MTA2: variants seen among roughly 807,000 people sequenced by gnomAD.
MTA2 encodes the protein metastasis associated 1 family member 2, also known as metastasis-associated protein MTA2.
Under a neutral mutation model 87.1 loss-of-function variants are expected in MTA2, and 22 were observed. The observed-to-expected ratio is 0.25, with a 90% CI of 0.18 to 0.36. The LOEUF is 0.36. MTA2 is among the 10% of genes least tolerant of loss of function. The probability of loss-of-function intolerance (pLI) is 1.00; values close to 1 mark genes in which losing one functional copy is unlikely to be tolerated. For missense variants in MTA2, 542 were observed against 853.2 expected, an observed-to-expected ratio of 0.64 and a Z score of 4.54; for synonymous variants, 314 against 310.1, an observed-to-expected ratio of 1.01 and a Z score of -0.13.
intron 1 of MTA2, 78 bp from the exon 2 acceptor site, chr11:62,600,767 G>T: frequency 1.5e-6 from 2 of 1,301,662 alleles, no homozygotes; most frequent in Non-Finnish European, 2.2e-6. Flanking sequence ...AGGAGAGAAA[G>T]TTGGCCTGAG....
At chr11:62,600,841 A>C (rs1019798051) in intron 1 of MTA2, 152 bp from the exon 2 acceptor site, 1 of 632,818 alleles carries the variant, frequency 1.6e-6, no homozygotes, top group African/African-American at 1.8e-5. Flanking sequence ...GGACAGACTA[A>C]GAGAAAATAA....
chr11:62,597,878 G>A (rs1942120725), intron 6 of MTA2, 146 bp downstream of exon 6: 2 of 987,282 alleles, frequency 2.0e-6, no homozygotes, highest in Non-Finnish European at 3.1e-6. Context: ...GTTCCTACAG[G>A]CCCATTCTGT....
intron 5 of MTA2, 73 bp downstream of exon 5, chr11:62,598,251 CATT>C: frequency 6.4e-7 from 1 of 1,568,546 alleles, no homozygotes; most frequent in Non-Finnish European, 8.8e-7. Context: ...TGTACCTCAT[CATT>C]GTGCTCCTTT....
At position 62,595,962 on chromosome 11, in the gene MTA2, A is replaced by T; in HGVS notation, c.1114+48T>A. ...TAAGCCCCTCAGATTCTTGAGCCAC[A>T]GCAGGCCTTCCACCCATCCCCACCA... On this transcript the variant is annotated intron_variant, in intron 12 of 17. Transcript: ENST00000278823. This position sits in a 1 kb window ranked among gnomAD's most constrained non-coding sequence, Gnocchi z 4.9. 1 of 1,614,086 alleles carries T rather than the reference A, an allele frequency of 6.2e-7. No homozygotes were observed. The highest frequency in any genetic ancestry group is 8.5e-7 in the Non-Finnish European group (1 of 1,179,944).
At chr11:62,596,250 C>T (rs1942096740) in intron 11 of MTA2, 29 bp downstream of exon 11, 1 of 1,612,386 alleles carries the variant, frequency 6.2e-7, no homozygotes, top group Non-Finnish European at 8.5e-7. Context: ...AAGGAAAACA[C>T]TCTGGTCTCC....
At position 62,601,864 on chromosome 11, in the gene MTA2, C is replaced by G. The variant is rs950159359; in HGVS notation, c.-414G>C. ...CGGCCGATCCGGAGAACAAGGCCCA[C>G]TGCTCGGCTCAGGTCGGAGAGCGAG... On this transcript the variant is annotated 5_prime_UTR_variant, in exon 1 of 18. Transcript: ENST00000278823. 5.2e-5 allele frequency: 26 copies of G among 495,442 alleles called. No homozygotes were observed. The highest frequency in any genetic ancestry group is 8.8e-5 in the Non-Finnish European group (25 of 283,680). 30.7% of individuals were successfully genotyped at this position (495,442 alleles called of 1,614,324 possible). A position where few individuals can be genotyped will look rare whatever the true frequency, so the allele number is the denominator to read the frequency against.
chr11:62,600,117 A>G, intron 3 of MTA2, 49 bp downstream of exon 3: 1 of 1,532,904 alleles, frequency 6.5e-7, no homozygotes, highest in Non-Finnish European at 9.0e-7. Flanking sequence ...GGACATGCCC[A>G]GGCCTCAGAT....
At position 62,594,975 on chromosome 11, in the gene MTA2, C is replaced by T. The variant is rs1942078016; in HGVS notation, c.1573+6G>A. 6.2e-7 allele frequency: 1 copy of T among 1,613,624 alleles called. No individual in the cohort carries two copies. Among genetic ancestry groups the T allele is most frequent in the Non-Finnish European group, 8.5e-7 (1 of 1,179,754 alleles). Reference sequence around the variant, plus strand: ...GATGCCAACCTCACTGGTCCCCATCCCATACCCAGATCTTTGACGATAGTT... The same window carrying T: ...GATGCCAACCTCACTGGTCCCCATCTCATACCCAGATCTTTGACGATAGTT... On this transcript the variant is annotated splice_donor_region_variant and intron_variant, in intron 15 of 17. Transcript: ENST00000278823.
intron 11 of MTA2, 58 bp downstream of exon 11, chr11:62,596,221 G>T: frequency 6.2e-7 from 1 of 1,600,436 alleles, no homozygotes; most frequent in Non-Finnish European, 8.6e-7. Context: ...ACTGAGGAAG[G>T]CACAAGTTAG....
chr11:62,594,052 G>A lies in MTA2; in HGVS notation c.1842-12C>T, dbSNP rs1942062530. 6.3e-7 allele frequency: 1 copy of A among 1,579,682 alleles called. No individual in the cohort carries two copies. Among genetic ancestry groups the A allele is most frequent in the Non-Finnish European group, 8.6e-7 (1 of 1,164,594 alleles). On this transcript the variant is annotated splice_polypyrimidine_tract_variant and intron_variant, in intron 17 of 17. Transcript: ENST00000278823. The stretch of plus-strand genomic sequence containing the variant: ...CCTTCCGTAGGGCCCTGGCCAGAAA[G>A]AGCAAGTGGGAAACAGAAAAGGCTT...
intron 3 of MTA2, chr11:62,599,113 T>C (rs1942140550): frequency 6.2e-6 from 1 of 160,878 alleles, no homozygotes; most frequent in African/African-American, 2.4e-5. Context: ...ACTTGGCTAA[T>C]AATAGTTCCT....
At chr11:62,597,139 A>C (rs1168228955) in intron 8 of MTA2, among the ~76,000 whole-genome samples, 177 bp downstream of exon 8, 1 of 151,504 alleles carries the variant, frequency 6.6e-6, no homozygotes, top group Non-Finnish European at 1.5e-5. Context: ...CAGTGAGCTG[A>C]GATTGCGCCA....
intron 3 of MTA2, among the ~76,000 whole-genome samples, chr11:62,599,507 T>A (rs1367571951): frequency 6.6e-6 from 1 of 150,656 alleles, no homozygotes; most frequent in African/African-American, 2.4e-5. Context: ...CAGAGCAGTC[T>A]GAAAAAGGAA....
Position 62,593,738 on chromosome 11 carries a change from C to T in MTA2, c.*137G>A. 8.9e-7 allele frequency: 1 copy of T among 1,119,968 alleles called. No homozygotes were observed. The highest frequency in any genetic ancestry group is 1.3e-6 in the Non-Finnish European group (1 of 795,632). 69.4% of individuals were successfully genotyped at this position (1,119,968 alleles called of 1,614,324 possible). A position where few individuals can be genotyped will look rare whatever the true frequency, so the allele number is the denominator to read the frequency against. On this transcript the variant is annotated 3_prime_UTR_variant, in exon 18 of 18. Transcript: ENST00000278823. Reference sequence around the variant, plus strand: ...GTGGTAACACCAGAGGGCGCCCAACCCCTCCAGGGACACACACTCACTTGC... The same window carrying T: ...GTGGTAACACCAGAGGGCGCCCAACTCCTCCAGGGACACACACTCACTTGC...
chr11:62,599,257 C>T (rs950370633), intron 3 of MTA2: 1 of 153,690 alleles, frequency 6.5e-6, no homozygotes, highest in African/African-American at 2.4e-5. Context: ...AGCAGAAGAA[C>T]CTCAGCCCCA....
chr11:62,598,155 G>T lies in MTA2; in HGVS notation c.373-14C>A, dbSNP rs1240252608. 6.2e-7 allele frequency: 1 copy of T among 1,612,908 alleles called. No homozygotes were observed. On this transcript the variant is annotated splice_polypyrimidine_tract_variant and intron_variant, in intron 5 of 17. Coordinates refer to ENST00000278823, the MANE Select transcript of MTA2 (RefSeq NM_004739.4). ...AAAAAAGCAGTCCTGGAATTGGGGAGAGACAAGGTAAGCAAGGCAGCAATC... is the reference window on the plus strand; with the variant it reads ...AAAAAAGCAGTCCTGGAATTGGGGATAGACAAGGTAAGCAAGGCAGCAATC...
chr11:62,594,674 C>T (rs202115391), intron 15 of MTA2, 40 bp from the exon 16 acceptor site: 66 of 1,565,418 alleles, frequency 4.2e-5, no homozygotes, highest in Non-Finnish European at 5.3e-5. Flanking sequence ...TTTCTTCCCA[C>T]GCAGTTCCCC....
At position 62,601,776 on chromosome 11, in the gene MTA2, C is replaced by T. The variant is rs1469704866; in HGVS notation, c.-326G>A. On this transcript the variant is annotated 5_prime_UTR_variant, in exon 1 of 18. Coordinates refer to ENST00000278823, the MANE Select transcript of MTA2 (RefSeq NM_004739.4). ...GCGGAGTCCCACTAGTCGTTGGGCTCTGCCGGCCGCAGGGAAGGCTTGCCG... is the reference window on the plus strand; with the variant it reads ...GCGGAGTCCCACTAGTCGTTGGGCTTTGCCGGCCGCAGGGAAGGCTTGCCG... 3.9e-6 allele frequency: 2 copies of T among 507,614 alleles called. No homozygotes were observed. Among genetic ancestry groups the T allele is most frequent in the Admixed American group, 4.1e-5 (1 of 24,346 alleles). 31.4% of individuals were successfully genotyped at this position (507,614 alleles called of 1,614,324 possible). A position where few individuals can be genotyped will look rare whatever the true frequency, so the allele number is the denominator to read the frequency against.
At chr11:62,597,950 C>G (rs556138492) in intron 6 of MTA2, 74 bp downstream of exon 6, 2 of 1,348,626 alleles carry the variant, frequency 1.5e-6, no homozygotes, top group East Asian at 2.3e-5. Flanking sequence ...ACGCCATTCA[C>G]AGAGACTATA....
Sources: allele counts gnomAD v4.1 joint callset (sites outside exome capture counted in the v4.1 genomes callset), GRCh38; gene constraint gnomAD v4.1.1; non-coding constraint Gnocchi (gnomAD v3.1); transcripts MANE v1.5; gene names NCBI Gene and HGNC (gene_info 2026-07-23, HGNC 2026-07-21).